Variants in TPR observed in about 807,000 individuals in gnomAD.
The protein encoded by TPR is nucleoprotein TPR.
TPR carries 51 observed loss-of-function variants against 316.1 expected under a neutral mutation model. That is an observed-to-expected ratio of 0.16 (90% CI 0.13 to 0.20). The LOEUF (loss-of-function observed/expected upper bound fraction) is 0.20, where lower values mean the gene tolerates loss of function less well. TPR is among the 10% of genes least tolerant of loss of function. The pLI, the probability that TPR is intolerant of heterozygous loss-of-function variation, is 1.00. For missense variants in TPR, 2,272 were observed against 2,754.8 expected (o/e 0.82, Z 3.92); for synonymous variants, 981 against 914.7 (o/e 1.07, Z -1.31).
intron 2 of TPR, among the ~76,000 whole-genome samples, chr1:186,371,665 A>G (rs1368036953): frequency 6.6e-5 from 10 of 152,212 alleles, no homozygotes. Flanking sequence ...ACATTTTGAA[A>G]CTGTATTTCA....
chr1:186,368,374 A>G (rs1033549283), intron 3 of TPR, among the ~76,000 whole-genome samples: 3 of 152,280 alleles, frequency 2.0e-5, no homozygotes, highest in Admixed American at 2.0e-4. Context: ...CACTTTGGGA[A>G]ATCAAGCTGG....
At position 186,325,749 on chromosome 1, in the gene TPR, T is replaced by TA. The variant is rs763880714; in HGVS notation, c.6112+14dup. ...CAGAGATATTCAATTCAAAAAAGGCTAATAAAAATCTCACCACTGTTTTGA... is the reference window on the plus strand; with the variant it reads ...CAGAGATATTCAATTCAAAAAAGGCTAAATAAAAATCTCACCACTGTTTTGA... On this transcript the variant is annotated intron_variant, in intron 42 of 50. Transcript: ENST00000367478. 40 of 1,604,604 alleles carry TA rather than the reference T, an allele frequency of 2.5e-5. No homozygotes were observed. In the Admixed American group the frequency reaches 6.7e-4, roughly 27 times the overall value.
intron 19 of TPR, 45 bp from the exon 20 acceptor site, chr1:186,351,515 A>C (rs1658860947): frequency 6.7e-7 from 1 of 1,497,092 alleles, no homozygotes; most frequent in South Asian, 1.5e-5. Context: ...GAAAAAGGCA[A>C]TACAAAAAAA....
intron 42 of TPR, among the ~76,000 whole-genome samples, chr1:186,324,391 C>A (rs1417574301): frequency 2.6e-5 from 4 of 152,150 alleles, no homozygotes; most frequent in African/African-American, 9.7e-5. Flanking sequence ...CTTACAACTA[C>A]ATTTTAATCT....
intron 43 of TPR, among the ~76,000 whole-genome samples, chr1:186,323,227 T>C (rs1416671950): frequency 6.6e-6 from 1 of 152,154 alleles, no homozygotes; most frequent in Non-Finnish European, 1.5e-5. Context: ...GGGTCATACA[T>C]ACCTTCATTA....
At position 186,313,766 on chromosome 1, in the gene TPR, C is replaced by G. The variant is rs755358454; in HGVS notation, c.*205G>C. On this transcript the variant is annotated 3_prime_UTR_variant, in exon 51 of 51. Coordinates refer to ENST00000367478, the MANE Select transcript of TPR (RefSeq NM_003292.3). ...GGCAGACCTTATCCAAAGTCTGGTA[C>G]AACTGTCCTTAGACTGATGAGCAAA... 23 of 1,602,708 alleles carry G rather than the reference C, an allele frequency of 1.4e-5. No individual in the cohort carries two copies. Among genetic ancestry groups the G allele is most frequent in the Non-Finnish European group, 1.9e-5 (22 of 1,169,902 alleles).
At chr1:186,334,568 CAA>C in intron 35 of TPR, 35 bp from the exon 36 acceptor site, 1 of 1,576,546 alleles carries the variant, frequency 6.3e-7, no homozygotes, top group South Asian at 1.1e-5. Context: ...TAATTAATAA[CAA>C]ATTATTATGC....
intron 24 of TPR, among the ~76,000 whole-genome samples, chr1:186,345,373 T>C (rs1658644124): frequency 6.6e-6 from 1 of 152,200 alleles, no homozygotes; most frequent in African/African-American, 2.4e-5. Context: ...TTTCCCATTG[T>C]CAAGATTGCT....
chr1:186,339,462 A>G (rs1658442196), intron 30 of TPR, among the ~76,000 whole-genome samples, 180 bp downstream of exon 30: 1 of 152,198 alleles, frequency 6.6e-6, no homozygotes, highest in South Asian at 2.1e-4. Flanking sequence ...TATATTTTAT[A>G]TACAAAGGCA....
intron 17 of TPR, among the ~76,000 whole-genome samples, chr1:186,354,958 A>G (rs2101978761): frequency 6.6e-6 from 1 of 152,270 alleles, no homozygotes; most frequent in South Asian, 2.1e-4. Flanking sequence ...ACTGGAGTGC[A>G]GTGGCCCCAA....
At chr1:186,335,615 G>C (rs957775714) in intron 33 of TPR, 72 bp from the exon 34 acceptor site, 5 of 1,248,044 alleles carry the variant, frequency 4.0e-6, no homozygotes, top group Non-Finnish European at 4.4e-6. Flanking sequence ...GCACTTAATT[G>C]GCACATGGTC....
intron 22 of TPR, 89 bp downstream of exon 22, chr1:186,347,203 G>A (rs988193382): frequency 5.7e-6 from 8 of 1,394,008 alleles, no homozygotes; most frequent in East Asian, 2.3e-5. Context: ...TAATTCATAC[G>A]AGTGCCTTAA....
intron 1 of TPR, among the ~76,000 whole-genome samples, chr1:186,374,304 T>C (rs1196154305): frequency 6.6e-6 from 1 of 152,260 alleles, no homozygotes; most frequent in Non-Finnish European, 1.5e-5. Context: ...AAAATTTTAA[T>C]GTTTTCTATC....
chr1:186,364,757 C>T (rs986096979), intron 4 of TPR, among the ~76,000 whole-genome samples: 2 of 152,134 alleles, frequency 1.3e-5, no homozygotes, highest in African/African-American at 4.8e-5. Context: ...AGGTTATATG[C>T]CTGCACCAGG....
chr1:186,338,142 T>C lies in TPR; in HGVS notation c.4253A>G (p.Asp1418Gly), dbSNP rs760101273. ...TEKETIQKDL[D>G]AKIIDIQEKV... ...TTCTTGGATATCAATTATTTTGGCA[T>C]CTAAGTCCTTCTGGATGGTTTCCTT... Residue 1418 changes from aspartate (D) to glycine (G), a missense_variant, in exon 31 of 51, where the codon GAT becomes GGT. By Grantham distance (94) the Asp-to-Gly change is moderately conservative (BLOSUM62 -1). Around this residue, in one of 10 missense-constraint regions of TPR, gnomAD observed 96 missense variants for 134.6 expected, o/e 0.71. Coordinates refer to ENST00000367478, the MANE Select transcript of TPR (RefSeq NM_003292.3). 6 of 1,613,088 alleles carry C rather than the reference T, an allele frequency of 3.7e-6. No homozygotes were observed. The highest frequency in any genetic ancestry group is 5.1e-6 in the Non-Finnish European group (6 of 1,179,530).
At chr1:186,342,403 A>T (rs1658536962) in intron 27 of TPR, 1 of 152,186 alleles carries the variant, frequency 6.6e-6, no homozygotes, top group African/African-American at 2.4e-5. Flanking sequence ...AGCCCAAAGG[A>T]ATAAAAAATG....
At chr1:186,320,442 A>C in intron 45 of TPR, 24 bp from the exon 46 acceptor site, 1 of 1,583,862 alleles carries the variant, frequency 6.3e-7, no homozygotes, top group Non-Finnish European at 8.6e-7. Flanking sequence ...AACTAATTTA[A>C]GATGAAATTT....
intron 26 of TPR, 150 bp downstream of exon 26, chr1:186,343,756 G>T: frequency 1.1e-6 from 1 of 879,848 alleles, no homozygotes; most frequent in Non-Finnish European, 1.7e-6. Flanking sequence ...TTTAATATGT[G>T]TAAATGTTAA....
rs551031864 is a variant in TPR at position 186,313,209 on chromosome 1, A to G, written c.*762T>C. 1.4e-5 allele frequency: 6 copies of G among 419,266 alleles called. 1 individual carries two copies. In the South Asian group the frequency reaches 1.5e-4, roughly 11 times the overall value. 26.0% of individuals were successfully genotyped at this position (419,266 alleles called of 1,614,324 possible). A position where few individuals can be genotyped will look rare whatever the true frequency, so the allele number is the denominator to read the frequency against. The stretch of plus-strand genomic sequence containing the variant: ...CAGATACCTTGTTTGGCACAAGGTT[A>G]TAATGATTTGCATCACTGCAGAGTC... On this transcript the variant is annotated 3_prime_UTR_variant, in exon 51 of 51. Transcript: ENST00000367478.
Sources: gnomAD v4.1 joint callset for allele counts (sites outside exome capture counted in the v4.1 genomes callset) on GRCh38, gnomAD v4.1.1 for gene constraint, gnomAD v4.1.1 regional missense constraint, MANE v1.5 for transcripts, NCBI Gene and HGNC (gene_info 2026-07-23, HGNC 2026-07-21) for gene names.